The following DPYD variants were observed in gnomAD, a reference collection of about 807,000 sequenced individuals.
DPYD encodes dihydropyrimidine dehydrogenase [NADP(+)].
DPYD carries 109 observed loss-of-function variants against 116.2 expected under a neutral mutation model. The observed-to-expected ratio is 0.94, with a 90% CI of 0.80 to 1.10. DPYD has a LOEUF of 1.10. DPYD is among the 50% of genes least tolerant of loss of function. The probability of loss-of-function intolerance (pLI) is 0.00; values close to 1 mark genes in which losing one functional copy is unlikely to be tolerated. For missense variants in DPYD, 1,302 were observed against 1,254.5 expected, an observed-to-expected ratio of 1.04 and a Z score of -0.57; for synonymous variants, 440 against 432.0, an observed-to-expected ratio of 1.02 and a Z score of -0.23.
rs183746849 is a variant in DPYD, at chr1:97,736,874, G to T, written c.321+3518C>A. On this transcript the variant is annotated intron_variant, in intron 4 of 22. Coordinates refer to ENST00000370192, the MANE Select transcript of DPYD (RefSeq NM_000110.4). ...TTTGTGTGTGTGTGTGTGTGTGTGTGTGTGTGTGTGTGTAGGGCTTTATTA... is the reference window on the plus strand; with the variant it reads ...TTTGTGTGTGTGTGTGTGTGTGTGTTTGTGTGTGTGTGTAGGGCTTTATTA... Among the ~76,000 whole-genome samples, 592 of 151,632 alleles carry T rather than the reference G, an allele frequency of 3.9e-3. 4 individuals carry two copies. The highest frequency in any genetic ancestry group is 0.014 in the African/African-American group (569 of 41,308).
chr1:97,081,510 A>G (rs1649144215), intron 22 of DPYD, among the ~76,000 whole-genome samples: 1 of 152,028 alleles, frequency 6.6e-6, no homozygotes, highest in African/African-American at 2.4e-5. Flanking sequence ...TCATTTTTTC[A>G]TTCATTTCTA....
At chr1:97,529,766 C>T (rs72729988) in intron 12 of DPYD, among the ~76,000 whole-genome samples, 6 of 86,974 alleles carry the variant, frequency 6.9e-5, no homozygotes, top group South Asian at 3.0e-4. Context: ...CTTTCTTTCT[C>T]TTTCTTCTTT....
At position 97,875,418 on chromosome 1, in the gene DPYD, T is replaced by G. The variant is rs562515903; in HGVS notation, c.150+7846A>C. The stretch of plus-strand genomic sequence containing the variant: ...TAAAACTATGGAGTGAATGTAGCTA[T>G]CAAGAGAGGCATAATTGAGATTTTC... On this transcript the variant is annotated intron_variant, in intron 2 of 22. Coordinates refer to ENST00000370192, the MANE Select transcript of DPYD (RefSeq NM_000110.4). 2.6e-5 allele frequency among the ~76,000 whole-genome samples: 4 copies of G among 152,078 alleles called. No homozygotes were observed. The East Asian group carries it at 7.8e-4, about 30-fold the overall frequency.
At chr1:97,352,074 T>A (rs555764530) in intron 16 of DPYD, among the ~76,000 whole-genome samples, 1 of 152,072 alleles carries the variant, frequency 6.6e-6, no homozygotes, top group African/African-American at 2.4e-5. Context: ...CCAAGGAGGT[T>A]TGAACTTTCT....
chr1:97,391,805 T>C (rs1274552796), intron 14 of DPYD, among the ~76,000 whole-genome samples: 1 of 152,060 alleles, frequency 6.6e-6, no homozygotes, highest in African/African-American at 2.4e-5. Context: ...AATAATAGGC[T>C]ATACAAGACC....
chr1:97,887,473 A>G (rs1047690595), intron 1 of DPYD, among the ~76,000 whole-genome samples: 3 of 12,368 alleles, frequency 2.4e-4, no homozygotes, highest in Non-Finnish European at 8.2e-4. Context: ...CTGCATTAAA[A>G]AAAAAAAAAA....
chr1:97,588,569 C>A (rs1040692555), intron 10 of DPYD, among the ~76,000 whole-genome samples: 10 of 152,112 alleles, frequency 6.6e-5, no homozygotes, highest in Non-Finnish European at 1.0e-4. Context: ...CTTTTAATAC[C>A]AGCATTTTGG....
At chr1:97,266,702 C>T (rs1454764187) in intron 18 of DPYD, among the ~76,000 whole-genome samples, 1 of 152,000 alleles carries the variant, frequency 6.6e-6, no homozygotes, top group African/African-American at 2.4e-5. Context: ...ATGACAGGCC[C>T]CAGTGTCTGA....
At chr1:97,214,423 A>G (rs910515630) in intron 19 of DPYD, among the ~76,000 whole-genome samples, 2 of 152,228 alleles carry the variant, frequency 1.3e-5, no homozygotes, top group Non-Finnish European at 1.5e-5. Context: ...AAGTAGGCCA[A>G]TGAATAAAAG....
chr1:97,241,750 A>C (rs1662352452), intron 18 of DPYD, among the ~76,000 whole-genome samples: 1 of 151,856 alleles, frequency 6.6e-6, no homozygotes, highest in Non-Finnish European at 1.5e-5. Flanking sequence ...TAATTAAAAA[A>C]CAAGGACATT....
intron 2 of DPYD, among the ~76,000 whole-genome samples, chr1:97,862,190 G>A (rs1278198353): frequency 6.6e-6 from 1 of 151,734 alleles, no homozygotes; most frequent in Non-Finnish European, 1.5e-5. Context: ...GTATATGTAC[G>A]ATAAAACAGA....
chr1:97,492,504 TTACAG>T (rs760264625), intron 13 of DPYD, among the ~76,000 whole-genome samples: 17 of 152,310 alleles, frequency 1.1e-4, no homozygotes, highest in South Asian at 4.1e-4. Flanking sequence ...GCATGCTTTA[TTACAG>T]TAAACTAGCT....
intron 20 of DPYD, among the ~76,000 whole-genome samples, chr1:97,145,052 A>C (rs1303207970): frequency 1.3e-5 from 2 of 152,194 alleles, no homozygotes; most frequent in Non-Finnish European, 2.9e-5. Flanking sequence ...AAGATGTCAA[A>C]AAAAATGAAG....
Position 97,094,663 on chromosome 1 carries a change from C to T in DPYD, c.2766+3826G>A, listed in dbSNP as rs74106638. 5.6e-3 allele frequency among the ~76,000 whole-genome samples: 849 copies of T among 151,968 alleles called. 6 individuals are homozygous for T. Among genetic ancestry groups the T allele is most frequent in the African/African-American group, 0.019 (782 of 41,460 alleles). ...ATGGCTACTGGGTTCCTTGGTCAGA[C>T]GATGCAGGTGGAGGTGACCCCAAGA... is the stretch of plus-strand genomic sequence containing the variant. On this transcript the variant is annotated intron_variant, in intron 21 of 22. Coordinates refer to ENST00000370192, the MANE Select transcript of DPYD (RefSeq NM_000110.4).
At chr1:97,742,907 A>G (rs919007292) in intron 3 of DPYD, among the ~76,000 whole-genome samples, 3 of 152,120 alleles carry the variant, frequency 2.0e-5, no homozygotes, top group African/African-American at 7.2e-5. Context: ...GGCACATCAT[A>G]TGGATTCTGG....
intron 3 of DPYD, among the ~76,000 whole-genome samples, chr1:97,747,687 C>G (rs547996193): frequency 6.6e-6 from 1 of 152,230 alleles, no homozygotes; most frequent in Admixed American, 6.5e-5. Flanking sequence ...CCCAGACTTT[C>G]GTGTATACTA....
intron 8 of DPYD, among the ~76,000 whole-genome samples, chr1:97,630,342 T>A (rs1657181252): frequency 6.6e-6 from 1 of 152,072 alleles, no homozygotes; most frequent in Non-Finnish European, 1.5e-5. Context: ...CAAAACTCCT[T>A]TAAGTACTTT....
rs192453478 is a variant in DPYD at position 97,546,074 on chromosome 1, A to T, written c.1524+3486T>A. 11 of 1,403,952 alleles carry T rather than the reference A, an allele frequency of 7.8e-6. No homozygotes were observed. The Admixed American group carries it at 1.3e-4, about 17-fold the overall frequency. The allele number at this position is 1,403,952 out of a possible 1,614,324, so 87.0% of individuals were successfully genotyped here. A position where few individuals can be genotyped will look rare whatever the true frequency, so the allele number is the denominator to read the frequency against. On this transcript the variant is annotated intron_variant, in intron 12 of 22. Transcript: ENST00000370192. ...AAGACAGCAACAACATCACAGTAGG[A>T]TCCTTAGTTACAGTGCTGGTTAAGT...
intron 20 of DPYD, among the ~76,000 whole-genome samples, chr1:97,129,364 T>C (rs2101663132): frequency 6.6e-6 from 1 of 152,134 alleles, no homozygotes; most frequent in East Asian, 1.9e-4. Flanking sequence ...CCACACCCGG[T>C]CCTGCTGTAT....
Sources: allele counts gnomAD v4.1 joint callset (sites outside exome capture counted in the v4.1 genomes callset), GRCh38; gene constraint gnomAD v4.1.1; transcripts MANE v1.5; gene names NCBI Gene and HGNC (gene_info 2026-07-23, HGNC 2026-07-21).